The following PRKCQ variants were observed in gnomAD, a reference collection of about 807,000 sequenced individuals.
PRKCQ encodes protein kinase C theta.
A neutral mutation model predicts 91.2 loss-of-function variants in PRKCQ; 41 were observed. That is an observed-to-expected ratio of 0.45 (90% CI 0.35 to 0.58). PRKCQ has a LOEUF of 0.58. Among genes scored for constraint, PRKCQ ranks in the 20% least tolerant of loss-of-function variants. PRKCQ has a pLI of 0.00. For missense variants in PRKCQ, 673 were observed against 896.5 expected (o/e 0.75, Z 3.18); for synonymous variants, 307 against 316.9 (o/e 0.97, Z 0.33).
At chr10:6,479,391 C>T (rs1343277915) in intron 11 of PRKCQ, among the ~76,000 whole-genome samples, 1 of 152,080 alleles carries the variant, frequency 6.6e-6, no homozygotes, top group Admixed American at 6.5e-5. Context: ...CAAGGGTTCA[C>T]AAAATTATTA....
intron 11 of PRKCQ, among the ~76,000 whole-genome samples, chr10:6,482,156 T>A (rs1836637952): frequency 6.6e-6 from 1 of 152,154 alleles, no homozygotes. Flanking sequence ...AGTTTTCTTA[T>A]GGGCTGAATT....
chr10:6,558,711 C>T (rs149393826), intron 1 of PRKCQ, among the ~76,000 whole-genome samples: 6 of 152,190 alleles, frequency 3.9e-5, no homozygotes, highest in East Asian at 1.9e-4. Context: ...AGGTGGTCAC[C>T]GTGATGCAGG....
chr10:6,407,618 GTGT>G, the PRKCQ span, among the ~76,000 whole-genome samples: 1 of 151,982 alleles, frequency 6.6e-6, no homozygotes, highest in Non-Finnish European at 1.5e-5. This position sits in a 1 kb window ranked among gnomAD's most constrained non-coding sequence, Gnocchi z 4.0. Flanking sequence ...CACATCTGTG[GTGT>G]TCGCATATAT....
At position 6,467,389 on chromosome 10, in the gene PRKCQ, C is replaced by CAGAGAGAG. The variant is rs1160599680; in HGVS notation, c.1354-2993_1354-2986dup. On this transcript the variant is annotated intron_variant, in intron 12 of 17. Transcript: ENST00000263125. ...AGAGAGAGAGACAGAGAGAGACAGACAGAGAGAGAGAGAGAGAGAGAGAGA... is the reference window on the plus strand; with the variant it reads ...AGAGAGAGAGACAGAGAGAGACAGACAGAGAGAGAGAGAGAGAGAGAGAGAGAGAGAGA... Among the ~76,000 whole-genome samples the CAGAGAGAG allele has an allele frequency of 8.7e-3, 240 of 27,742 alleles. 11 individuals carry two copies. The highest frequency in any genetic ancestry group is 0.018 in the South Asian group (9 of 512). 18.2% of individuals were successfully genotyped at this position (27,742 alleles called of 152,430 possible).
chr10:6,464,276 A>G (rs1835513949), intron 13 of PRKCQ, 37 bp downstream of exon 13: 6 of 1,566,474 alleles, frequency 3.8e-6, no homozygotes, highest in Non-Finnish European at 5.2e-6. Flanking sequence ...ACTGACAAGA[A>G]CAGTGGAAAA....
chr10:6,568,222 A>G (rs1840902578), intron 1 of PRKCQ, among the ~76,000 whole-genome samples: 1 of 152,188 alleles, frequency 6.6e-6, no homozygotes. Context: ...TCTCCAAAAA[A>G]GAAAAAAACA....
In PRKCQ at chr10:6,520,743, CAT is replaced by C. The variant is rs371108008; in HGVS notation, c.-9-5601_-9-5600del. Among the ~76,000 whole-genome samples the C allele has an allele frequency of 1.5e-3, 232 of 152,290 alleles. 1 individual carries two copies. The highest frequency in any genetic ancestry group is 5.3e-3 in the African/African-American group (221 of 41,550). On this transcript the variant is annotated intron_variant, in intron 1 of 17. Coordinates refer to ENST00000263125, the MANE Select transcript of PRKCQ (RefSeq NM_006257.5). ...GAGTGCACTGCTAGACAGCACCTGT[CAT>C]ATTGATTTGCGTCACACCTGCCATT...
chr10:6,411,068 T>C, the PRKCQ span, among the ~76,000 whole-genome samples: 7 of 152,306 alleles, frequency 4.6e-5, no homozygotes, highest in African/African-American at 1.7e-4. Flanking sequence ...ACGCTGATCT[T>C]TGAGTTTTAC....
At chr10:6,417,181 G>C in the PRKCQ span, among the ~76,000 whole-genome samples, 100 of 152,350 alleles carry the variant, frequency 6.6e-4, 2 homozygotes, top group South Asian at 4.8e-3. Context: ...GAGGAGGAGA[G>C]GGTCGAGGAG....
the PRKCQ span, among the ~76,000 whole-genome samples, chr10:6,399,389 C>A: frequency 6.6e-6 from 1 of 152,228 alleles, no homozygotes; most frequent in African/African-American, 2.4e-5. Context: ...TTCCTTTGTG[C>A]TCCCTGCCTA....
chr10:6,449,058 C>T (rs1220931300), intron 15 of PRKCQ, among the ~76,000 whole-genome samples: 2 of 152,140 alleles, frequency 1.3e-5, no homozygotes, highest in Non-Finnish European at 1.5e-5. Context: ...AGTTCCTCAC[C>T]AGCAACGGAA....
intron 14 of PRKCQ, among the ~76,000 whole-genome samples, chr10:6,458,933 C>T (rs1215518112): frequency 1.3e-5 from 2 of 152,194 alleles, no homozygotes; most frequent in East Asian, 3.8e-4. Context: ...CAAACCAGGG[C>T]TTACATCATC....
chr10:6,399,442 G>A, the PRKCQ span, among the ~76,000 whole-genome samples: 11 of 152,126 alleles, frequency 7.2e-5, no homozygotes, highest in Non-Finnish European at 1.5e-4. Context: ...CCACCCGGCT[G>A]AGCCCAGCAG....
chr10:6,489,874 T>C (rs1485822917), intron 8 of PRKCQ, among the ~76,000 whole-genome samples: 1 of 152,026 alleles, frequency 6.6e-6, no homozygotes, highest in Non-Finnish European at 1.5e-5. Flanking sequence ...CAGGAACCCC[T>C]GGGAAGTTCT....
chr10:6,487,533 T>C (rs934483666), intron 8 of PRKCQ, among the ~76,000 whole-genome samples: 7 of 152,258 alleles, frequency 4.6e-5, no homozygotes, highest in African/African-American at 1.7e-4. Flanking sequence ...AGCTTGGGGA[T>C]CCTACAATTC....
Position 6,429,645 on chromosome 10 carries a change from T to C in PRKCQ, c.1965+1165A>G, listed in dbSNP as rs112381892. 2.3e-4 allele frequency among the ~76,000 whole-genome samples: 35 copies of C among 152,340 alleles called. 2 individuals carry two copies. The highest frequency in any genetic ancestry group is 7.7e-4 in the African/African-American group (32 of 41,580). Reference sequence around the variant, plus strand: ...GTTAAGGCTGGCAAACCCACAACTTTGCTCTACTCTTTTAAAAATCATTAT... The same window carrying C: ...GTTAAGGCTGGCAAACCCACAACTTCGCTCTACTCTTTTAAAAATCATTAT... On this transcript the variant is annotated intron_variant, in intron 17 of 17. Coordinates refer to ENST00000263125, the MANE Select transcript of PRKCQ (RefSeq NM_006257.5).
chr10:6,552,335 T>C (rs1840219039), intron 1 of PRKCQ, among the ~76,000 whole-genome samples: 1 of 152,232 alleles, frequency 6.6e-6, no homozygotes, highest in Non-Finnish European at 1.5e-5. Flanking sequence ...TAAAACACAA[T>C]ATAAATCACT....
At chr10:6,496,320 C>T (rs902988455) in intron 7 of PRKCQ, among the ~76,000 whole-genome samples, 125 of 152,052 alleles carry the variant, frequency 8.2e-4, no homozygotes, top group African/African-American at 2.9e-3. Flanking sequence ...TGATACACTG[C>T]CCATGTGCTA....
At chr10:6,538,099 G>T (rs1052664391) in intron 1 of PRKCQ, among the ~76,000 whole-genome samples, 1 of 152,242 alleles carries the variant, frequency 6.6e-6, no homozygotes, top group Admixed American at 6.5e-5. Context: ...CTTCCCCAAG[G>T]ATGTGCCTTC....
Sources: gnomAD v4.1 joint callset for allele counts (sites outside exome capture counted in the v4.1 genomes callset) on GRCh38, gnomAD v4.1.1 for gene constraint, Gnocchi (gnomAD v3.1) non-coding constraint, MANE v1.5 for transcripts, NCBI Gene and HGNC (gene_info 2026-07-23, HGNC 2026-07-21) for gene names.